Variants in ATP10A observed in about 807,000 individuals in gnomAD.
ATP10A encodes phospholipid-transporting ATPase VA.
In ATP10A, 111 loss-of-function variants were observed where a neutral mutation model predicts 147.8. The observed-to-expected ratio is 0.75, with a 90% confidence interval of 0.64 to 0.88. The LOEUF (loss-of-function observed/expected upper bound fraction) is 0.88. Among genes scored for constraint, ATP10A ranks in the 40% least tolerant of loss-of-function variants. The pLI, the probability that ATP10A is intolerant of heterozygous loss-of-function variation, is 0.00. For missense variants in ATP10A, 1,927 were observed against 1,959.0 expected (o/e 0.98, Z 0.31); for synonymous variants, 875 against 841.6 (o/e 1.04, Z -0.69).
intron 1 of ATP10A, among the ~76,000 whole-genome samples, chr15:25,860,928 A>G (rs1407234197): frequency 2.0e-5 from 3 of 152,238 alleles, no homozygotes; most frequent in African/African-American, 7.2e-5. Flanking sequence ...GGGCTCAGTA[A>G]TAACAGGAAG....
chr15:25,672,293 A>G (rs923813666), downstream of ATP10A, among the ~76,000 whole-genome samples: 8 of 152,098 alleles, frequency 5.3e-5, no homozygotes, highest in Non-Finnish European at 1.2e-4. Context: ...CTCTAGGTTC[A>G]TCTGTGTTGT....
rs1354817073 is a variant in ATP10A, at chr15:25,723,931, G to T, written c.1070C>A (p.Ala357Asp). ...SDGSSLSPVT[A>D]AVYSFLTMII... ...CATTGTTAAAAATGAGTAAACTGCA[G>T]CTGTGACTGGGGATAAGGAGCTTCC... is the stretch of plus-strand genomic sequence containing the variant. Residue 357 changes from alanine to aspartate, a missense_variant, in exon 6 of 21, where the codon GCT becomes GAT. Transcript: ENST00000555815. The T allele has an allele frequency of 2.5e-6, 4 of 1,609,454 alleles. No homozygotes were observed. The African/African-American group carries it at 5.4e-5, about 22-fold the overall frequency.
At chr15:25,700,747 A>G (rs1900612454) in intron 13 of ATP10A, among the ~76,000 whole-genome samples, 1 of 152,098 alleles carries the variant, frequency 6.6e-6, no homozygotes. Flanking sequence ...TGGACCGTGG[A>G]TAGGGTGGTG....
intron 1 of ATP10A, among the ~76,000 whole-genome samples, chr15:25,847,225 G>GCGC (rs34020815): frequency 0.46 from 69,747 of 151,748 alleles, 18,463 homozygotes; most frequent in East Asian, 0.71. Flanking sequence ...TGAGCAGCAC[G>GCGC]CGCAGGCACT....
intron 14 of ATP10A, 54 bp from the exon 15 acceptor site, chr15:25,691,845 C>G: frequency 6.2e-7 from 1 of 1,605,718 alleles, no homozygotes; most frequent in East Asian, 2.2e-5. Flanking sequence ...AGCACAGAAT[C>G]AAATCAATGT....
chr15:25,745,785 G>C (rs1008644398), intron 2 of ATP10A, among the ~76,000 whole-genome samples: 2 of 152,172 alleles, frequency 1.3e-5, no homozygotes, highest in Non-Finnish European at 2.9e-5. Flanking sequence ...AAGGGCCCTT[G>C]AATTATTCAG....
At chr15:25,830,781 A>C (rs1201333356) in intron 1 of ATP10A, among the ~76,000 whole-genome samples, 1 of 152,188 alleles carries the variant, frequency 6.6e-6, no homozygotes, top group Non-Finnish European at 1.5e-5. Flanking sequence ...GTTTCAAAAG[A>C]AACAAGTGGC....
intron 1 of ATP10A, among the ~76,000 whole-genome samples, chr15:25,833,172 G>C (rs116278205): frequency 6.6e-6 from 1 of 151,928 alleles, no homozygotes; most frequent in South Asian, 2.1e-4. Flanking sequence ...TAGTAAAGAC[G>C]GGTTTTCACC....
intron 2 of ATP10A, among the ~76,000 whole-genome samples, chr15:25,769,016 G>A (rs76579042): frequency 0.014 from 2,196 of 152,220 alleles, 26 homozygotes; most frequent in Non-Finnish European, 0.023. Context: ...ATTTCTAAGG[G>A]AAATGTTTAA....
chr15:25,708,440 G>T, intron 10 of ATP10A, 140 bp from the exon 11 acceptor site: 1 of 666,902 alleles, frequency 1.5e-6, no homozygotes, highest in East Asian at 2.7e-5. Context: ...AAGCAAAAAT[G>T]AGCTGTTATG....
At chr15:25,674,756 G>A (rs1382416206), downstream of ATP10A, among the ~76,000 whole-genome samples, 6 of 152,210 alleles carry the variant, frequency 3.9e-5, no homozygotes, top group Non-Finnish European at 7.3e-5. Context: ...ATTAAATTAT[G>A]AGCTAGGAAA....
chr15:25,690,254 AAAAAAG>A (rs1468661336), intron 15 of ATP10A, among the ~76,000 whole-genome samples: 24 of 151,744 alleles, frequency 1.6e-4, no homozygotes, highest in African/African-American at 5.1e-4. Context: ...AAAAAAAAAA[AAAAAAG>A]AGAGACTGGG....
At chr15:25,766,760 C>T (rs971420592) in intron 2 of ATP10A, among the ~76,000 whole-genome samples, 5 of 152,040 alleles carry the variant, frequency 3.3e-5, no homozygotes, top group Non-Finnish European at 7.4e-5. Flanking sequence ...AAGCGCTCCT[C>T]GGGCCTCAGC....
intron 2 of ATP10A, among the ~76,000 whole-genome samples, chr15:25,780,786 C>T (rs1401759201): frequency 6.6e-6 from 1 of 152,190 alleles, no homozygotes; most frequent in African/African-American, 2.4e-5. Flanking sequence ...GAAACTTAGA[C>T]ATGCACAAAA....
At chr15:25,727,327 C>T (rs1301523979) in intron 3 of ATP10A, 61 bp from the exon 4 acceptor site, 13 of 1,356,378 alleles carry the variant, frequency 9.6e-6, no homozygotes, top group Non-Finnish European at 1.4e-5. Flanking sequence ...TGTCTGGAGC[C>T]GCAATGCCTT....
chr15:25,834,059 T>A (rs1218417922), intron 1 of ATP10A, among the ~76,000 whole-genome samples: 3 of 152,030 alleles, frequency 2.0e-5, no homozygotes, highest in African/African-American at 7.3e-5. Flanking sequence ...TGCTATTATA[T>A]GCTATTAACT....
chr15:25,779,947 G>A (rs1381903570), intron 2 of ATP10A, among the ~76,000 whole-genome samples: 2 of 151,876 alleles, frequency 1.3e-5, no homozygotes, highest in Non-Finnish European at 1.5e-5. Context: ...GACGCCTGCC[G>A]CAGGCAGGCC....
At chr15:25,825,810 C>A (rs1216806619) in intron 1 of ATP10A, among the ~76,000 whole-genome samples, 1 of 144,366 alleles carries the variant, frequency 6.9e-6, no homozygotes, top group Non-Finnish European at 1.5e-5. Flanking sequence ...ATGAGACATG[C>A]CAACAAATAA....
chr15:25,768,449 C>T (rs1220034533), intron 2 of ATP10A, among the ~76,000 whole-genome samples: 7 of 152,200 alleles, frequency 4.6e-5, no homozygotes, highest in Non-Finnish European at 1.0e-4. Flanking sequence ...TCCTGTCCAC[C>T]CCAAGTGCTT....
Sources: gnomAD v4.1 joint callset for allele counts (sites outside exome capture counted in the v4.1 genomes callset) on GRCh38, gnomAD v4.1.1 for gene constraint, MANE v1.5 for transcripts, NCBI Gene and HGNC (gene_info 2026-07-23, HGNC 2026-07-21) for gene names.